The following ST18 variants were observed in gnomAD, a reference collection of about 807,000 sequenced individuals.
The protein encoded by ST18 is ST18 C2H2C-type zinc finger transcription factor.
A neutral mutation model predicts 110.0 loss-of-function variants in ST18; 50 were observed. The observed-to-expected ratio is 0.45, with a 90% CI of 0.36 to 0.58. The LOEUF is 0.58. Ranked by LOEUF, ST18 falls within the 20% of genes least tolerant of loss-of-function variation. The pLI is 0.00. For synonymous variants in ST18, 461 were observed against 452.4 expected, an observed-to-expected ratio of 1.02 and a Z score of -0.24; for missense variants, 1,306 against 1,280.1, an observed-to-expected ratio of 1.02 and a Z score of -0.31.
chr8:52,320,070 T>C (rs1803198344), intron 2 of ST18, among the ~76,000 whole-genome samples: 1 of 152,196 alleles, frequency 6.6e-6, no homozygotes, highest in Non-Finnish European at 1.5e-5. Flanking sequence ...GAGAGGAATG[T>C]CAAGAAAATT....
chr8:52,195,432 A>T (rs1237609966), intron 8 of ST18, among the ~76,000 whole-genome samples: 1 of 152,084 alleles, frequency 6.6e-6, no homozygotes, highest in East Asian at 1.9e-4. Flanking sequence ...TTTTTCAAAC[A>T]GTGTTATAAA....
chr8:52,243,253 A>C (rs1335927290), intron 2 of ST18, among the ~76,000 whole-genome samples: 1 of 152,228 alleles, frequency 6.6e-6, no homozygotes, highest in African/African-American at 2.4e-5. Context: ...TCATGGAGTT[A>C]TAGAATTTGG....
chr8:52,291,281 TTC>T (rs915507427), intron 2 of ST18, among the ~76,000 whole-genome samples: 1 of 152,246 alleles, frequency 6.6e-6, no homozygotes, highest in Non-Finnish European at 1.5e-5. Flanking sequence ...CACAGGCTGT[TTC>T]TGAGCTGCGC....
At chr8:52,199,531 A>G (rs987132650) in intron 8 of ST18, 11 of 152,352 alleles carry the variant, frequency 7.2e-5, no homozygotes, top group East Asian at 1.9e-4. Flanking sequence ...TAAATATAGA[A>G]ATAAACAGAA....
chr8:52,385,691 C>G (rs560491156), intron 2 of ST18, among the ~76,000 whole-genome samples: 6 of 151,474 alleles, frequency 4.0e-5, no homozygotes, highest in African/African-American at 1.5e-4. Context: ...GCCCCAGAGC[C>G]CTCGCTTAAC....
chr8:52,398,074 G>A (rs1841762848), intron 2 of ST18, among the ~76,000 whole-genome samples: 1 of 151,822 alleles, frequency 6.6e-6, no homozygotes, highest in African/African-American at 2.4e-5. Context: ...TCCTATACAT[G>A]GACACATTTA....
chr8:52,177,180 C>G (rs1243548942), intron 9 of ST18, among the ~76,000 whole-genome samples: 1 of 152,180 alleles, frequency 6.6e-6, no homozygotes, highest in African/African-American at 2.4e-5. Flanking sequence ...TTCCTCCCTT[C>G]TGGTAGTACT....
chr8:52,345,426 A>G (rs1817295620), intron 2 of ST18, among the ~76,000 whole-genome samples: 1 of 152,256 alleles, frequency 6.6e-6, no homozygotes, highest in Admixed American at 6.5e-5. Context: ...TGAAAAGCAG[A>G]TGAGAGAGGA....
chr8:52,296,099 C>A (rs747246095), intron 2 of ST18, among the ~76,000 whole-genome samples: 45 of 152,050 alleles, frequency 3.0e-4, no homozygotes, highest in Admixed American at 5.2e-4. Flanking sequence ...TGCTTGGCGT[C>A]ATTTTGTTTT....
chr8:52,165,551 C>T (rs967051745), intron 11 of ST18, among the ~76,000 whole-genome samples: 3 of 152,204 alleles, frequency 2.0e-5, no homozygotes, highest in African/African-American at 7.2e-5. Context: ...ATGGATGGAG[C>T]ATGCCGTTTG....
At position 52,367,125 on chromosome 8, in the gene ST18, G is replaced by A. The variant is rs151288256; in HGVS notation, c.-465+42203C>T. On this transcript the variant is annotated intron_variant, in intron 2 of 25. Transcript: ENST00000689386. ...TGCATGCCGGTAATCCCAGCAGCTC[G>A]GGAGGCTGAGGCACCAGAATCGCTT... Among the ~76,000 whole-genome samples the A allele has an allele frequency of 1.3e-4, 20 of 152,140 alleles. No individual in the cohort carries two copies. In the East Asian group the frequency reaches 3.7e-3, roughly 28 times the overall value.
intron 15 of ST18, chr8:52,154,961 G>C (rs1391441084): frequency 6.6e-6 from 1 of 152,044 alleles, no homozygotes; most frequent in Non-Finnish European, 1.5e-5. Flanking sequence ...CAGCACTTTG[G>C]GAGGCCGAGA....
In ST18 at chr8:52,184,250, A is replaced by G. The variant is rs114279491; in HGVS notation, c.87-3938T>C. On this transcript the variant is annotated intron_variant, in intron 8 of 25. Coordinates refer to ENST00000689386, the MANE Select transcript of ST18 (RefSeq NM_001352837.2). Reference sequence around the variant, plus strand: ...TTTCTAGTAGATGAAAAAGAAGAGAAAAAATACACTCAGCCCTGCATTTAT... The same window carrying G: ...TTTCTAGTAGATGAAAAAGAAGAGAGAAAATACACTCAGCCCTGCATTTAT... Among the ~76,000 whole-genome samples, 831 of 152,322 alleles carry G rather than the reference A, an allele frequency of 5.5e-3. 8 individuals are homozygous for G. The highest frequency in any genetic ancestry group is 0.019 in the African/African-American group (797 of 41,574).
intron 8 of ST18, among the ~76,000 whole-genome samples, chr8:52,195,892 T>A (rs1402035250): frequency 6.6e-6 from 1 of 152,186 alleles, no homozygotes; most frequent in African/African-American, 2.4e-5. Flanking sequence ...TAATGGGGGA[T>A]ACAAGTATTG....
At chr8:52,349,316 C>T (rs190677604) in intron 2 of ST18, among the ~76,000 whole-genome samples, 125 of 152,268 alleles carry the variant, frequency 8.2e-4, no homozygotes, top group African/African-American at 2.8e-3. Flanking sequence ...TTCTAACCTT[C>T]GTGTGATTAA....
intron 2 of ST18, among the ~76,000 whole-genome samples, chr8:52,288,806 A>G (rs1290405381): frequency 6.6e-6 from 1 of 152,204 alleles, no homozygotes; most frequent in African/African-American, 2.4e-5. Flanking sequence ...CAAAAAAATC[A>G]TCAAAAATAT....
intron 10 of ST18, 127 bp from the exon 11 acceptor site, chr8:52,167,113 T>C: frequency 7.6e-7 from 1 of 1,307,872 alleles, no homozygotes; most frequent in Non-Finnish European, 1.0e-6. Flanking sequence ...TCTTCTCACA[T>C]CGCCTTGAAC....
chr8:52,272,096 A>G (rs1313100763), intron 2 of ST18, among the ~76,000 whole-genome samples: 1 of 152,224 alleles, frequency 6.6e-6, no homozygotes, highest in Non-Finnish European at 1.5e-5. Context: ...AGAAACTGTA[A>G]AACTCCTAGA....
intron 2 of ST18, among the ~76,000 whole-genome samples, chr8:52,288,158 C>T (rs939502675): frequency 6.6e-6 from 1 of 152,168 alleles, no homozygotes. Flanking sequence ...TTTCAAAAGT[C>T]CCTTCCATGG....
Sources: gnomAD v4.1 joint callset for allele counts (sites outside exome capture counted in the v4.1 genomes callset) on GRCh38, gnomAD v4.1.1 for gene constraint, MANE v1.5 for transcripts, NCBI Gene and HGNC (gene_info 2026-07-23, HGNC 2026-07-21) for gene names.